Variants in KCP observed in about 807,000 individuals in gnomAD.
KCP encodes kielin cysteine rich BMP regulator.
A neutral mutation model predicts 212.7 loss-of-function variants in KCP; 194 were observed. The ratio of observed to expected loss-of-function variants is 0.91; its 90% CI spans 0.81 to 1.03. The LOEUF (loss-of-function observed/expected upper bound fraction) is 1.03. Ranked by LOEUF, KCP falls within the 50% of genes least tolerant of loss-of-function variation. The pLI, the probability that KCP is intolerant of heterozygous loss-of-function variation, is 0.00. For missense variants in KCP, 2,080 were observed against 2,162.5 expected, an observed-to-expected ratio of 0.96 and a Z score of 0.76; for synonymous variants, 833 against 865.3, an observed-to-expected ratio of 0.96 and a Z score of 0.65.
At position 128,891,744 on chromosome 7, in the gene KCP, C is replaced by G; in HGVS notation, c.1697G>C (p.Arg566Pro). 6.9e-7 allele frequency: 1 copy of G among 1,447,000 alleles called. No homozygotes were observed. The highest frequency in any genetic ancestry group is 1.5e-5 in the South Asian group (1 of 67,776). The allele number at this position is 1,447,000 out of a possible 1,614,324, so 89.6% of individuals were successfully genotyped here. Residue 566 changes from arginine to proline, a missense_variant, in exon 17 of 40, where the codon CGA (arginine) becomes CCA (proline). Physicochemically the swap from Arg to Pro is moderately radical, Grantham distance 103. Transcript: ENST00000610776. ...GCAGTGGGCATGGCCTTCCTGGCAT[C>G]GGCACTCCTGGCAGGGGTCTCGGGG... is the stretch of plus-strand genomic sequence containing the variant. ...SHPRDPCQECRCQEGHAHCQP... is the reference protein window; with the variant it reads ...SHPRDPCQECPCQEGHAHCQP...
chr7:128,885,165 C>T lies in KCP; in HGVS notation c.2972G>A (p.Arg991His), dbSNP rs373067251. ...VCHEGVVTCA[R>H]IQCISSCAQP... ...GGCGCAAGAGCTGATGCACTGGATG[C>T]GTGCACAGGTGACGACGCCCTCGTG... Residue 991 changes from arginine (R) to histidine (H), a missense_variant, in exon 27 of 40, where the codon CGC becomes CAC. Arg to His is a conservative substitution (Grantham distance 29). Coordinates refer to ENST00000610776, the MANE Select transcript of KCP (RefSeq NM_001366122.1). 3.4e-5 allele frequency: 53 copies of T among 1,550,720 alleles called. No individual in the cohort carries two copies. The highest frequency in any genetic ancestry group is 4.2e-5 in the Non-Finnish European group (48 of 1,147,016).
intron 22 of KCP, among the ~76,000 whole-genome samples, chr7:128,887,915 C>CCA (rs1173848056): frequency 2.2e-5 from 3 of 138,316 alleles, no homozygotes; most frequent in South Asian, 2.4e-4. Flanking sequence ...ACATACACAC[C>CCA]CACACACACA....
In KCP at chr7:128,880,003, G is replaced by C. The variant is rs533165184; in HGVS notation, c.3842C>G (p.Pro1281Arg). The change falls in exon 35 of 40, where the codon CCC (proline) becomes CGC (arginine). Residue 1281 changes from proline (P) to arginine (R), a missense_variant. Physicochemically the swap from Pro to Arg is moderately radical, Grantham distance 103. Coordinates refer to ENST00000610776, the MANE Select transcript of KCP (RefSeq NM_001366122.1). The part of the protein sequence containing the change: ...RPASCMAFGD[P>R]HYRTFDGRLL... ...GCGGCCGTCGAAGGTGCGGTAATGG[G>C]GGTCTCCGAAGGCCATGCAGGAAGC... is the stretch of plus-strand genomic sequence containing the variant. 2.6e-6 allele frequency: 4 copies of C among 1,550,366 alleles called. No individual in the cohort carries two copies. The African/African-American group carries it at 5.5e-5, about 21-fold the overall frequency.
chr7:128,881,466 A>T (rs575820115), intron 31 of KCP, among the ~76,000 whole-genome samples, 160 bp downstream of exon 31: 25 of 152,128 alleles, frequency 1.6e-4, no homozygotes, highest in Non-Finnish European at 3.2e-4. Flanking sequence ...CTCCACCTCA[A>T]GAACAGCCCC....
At position 128,902,747 on chromosome 7, in the gene KCP, G is replaced by A. The variant is rs544052655; in HGVS notation, c.831+30C>T. On this transcript the variant is annotated intron_variant, in intron 8 of 39. Transcript: ENST00000610776. ...ACAGTGGGCCTGAGGGCAGGGAGGG[G>A]GACAGACCAGGAGCAGCCTCAGGAC... 434 of 1,540,750 alleles carry A rather than the reference G, an allele frequency of 2.8e-4. 2 individuals are homozygous for A. In the African/African-American group the frequency reaches 5.2e-3, roughly 18 times the overall value.
At chr7:128,909,397 G>C (rs1054490431) in intron 1 of KCP, among the ~76,000 whole-genome samples, 8 of 152,168 alleles carry the variant, frequency 5.3e-5, no homozygotes, top group Non-Finnish European at 1.0e-4. Flanking sequence ...ACAGACACTA[G>C]GCCTGTGAGA....
Position 128,877,266 on chromosome 7 carries a change from C to G in KCP, c.4664G>C (p.Gly1555Ala). The change falls in exon 40 of 40, where the codon GGC becomes GCC. Residue 1555 changes from glycine (G) to alanine (A), a missense_variant. Physicochemically the swap from Gly to Ala is moderately conservative, Grantham distance 60 (BLOSUM62 0). Transcript: ENST00000610776. Reference sequence around the variant, plus strand: ...GAAGCAGGTGCGGGGACAGGGTGGGCCGCACTCATCAAACACGAAGCCACG... The same window carrying G: ...GAAGCAGGTGCGGGGACAGGGTGGGGCGCACTCATCAAACACGAAGCCACG... ...LERGFVFDEC[G>A]PPCPRTCFNQ... The G allele has an allele frequency of 6.7e-7, 1 of 1,501,272 alleles. No homozygotes were observed. The highest frequency in any genetic ancestry group is 8.9e-7 in the Non-Finnish European group (1 of 1,127,410). 93.0% of individuals were successfully genotyped at this position (1,501,272 alleles called of 1,614,324 possible).
At chr7:128,895,289 G>A (rs971370728) in intron 8 of KCP, among the ~76,000 whole-genome samples, 2 of 152,188 alleles carry the variant, frequency 1.3e-5, no homozygotes, top group Non-Finnish European at 2.9e-5. Flanking sequence ...AAATAGTCCT[G>A]TTCTCATAGG....
rs1441213612 is a variant in KCP, at chr7:128,879,782, G to A, written c.3980C>T (p.Thr1327Ile). The change falls in exon 36 of 40, where the codon ACC (threonine) becomes ATC (isoleucine). Residue 1327 changes from threonine (T) to isoleucine (I), a missense_variant. Coordinates refer to ENST00000610776, the MANE Select transcript of KCP (RefSeq NM_001366122.1). ...TCCCAGCAGCACCGCCACCTCCTGG[G>A]TCCAGGCCACACCGCTCCGGCCCCG... The part of the protein sequence containing the change: ...DDRGRSGVAW[T>I]QEVAVLLGDM... The A allele has an allele frequency of 6.4e-7, 1 of 1,550,690 alleles. No individual in the cohort carries two copies. Among genetic ancestry groups the A allele is most frequent in the Admixed American group, 2.0e-5 (1 of 50,982 alleles).
At chr7:128,887,896 CACACAT>C (rs1201390404) in intron 22 of KCP, among the ~76,000 whole-genome samples, 13 of 150,452 alleles carry the variant, frequency 8.6e-5, no homozygotes, top group African/African-American at 2.2e-4. Flanking sequence ...TAGCCACGCA[CACACAT>C]ACACATACAC....
At chr7:128,908,251 G>GAAGAAAGAAAGA (rs370653893) in intron 2 of KCP, among the ~76,000 whole-genome samples, 175 bp downstream of exon 2, 11,973 of 100,968 alleles carry the variant, frequency 0.12, 1,051 homozygotes, top group South Asian at 0.14. Flanking sequence ...AAGAAAGAAA[G>GAAGAAAGAAAGA]AAGAAAGAAA....
chr7:128,908,251 G>GAAAAAGAAAGAAAGAAAGAAAGA (rs10565205), intron 2 of KCP, among the ~76,000 whole-genome samples, 175 bp downstream of exon 2: 9 of 101,276 alleles, frequency 8.9e-5, no homozygotes, highest in African/African-American at 3.5e-4. Context: ...AAGAAAGAAA[G>GAAAAAGAAAGAAAGAAAGAAAGA]AAGAAAGAAA....
intron 16 of KCP, among the ~76,000 whole-genome samples, chr7:128,892,294 T>C (rs1018248533): frequency 1.3e-5 from 2 of 151,978 alleles, no homozygotes; most frequent in Non-Finnish European, 2.9e-5. Context: ...AAATGGAGCA[T>C]GGGAGGAGAG....
Position 128,889,553 on chromosome 7 carries a change from C to T in KCP, c.2336-514G>A, listed in dbSNP as rs1793955625. On this transcript the variant is annotated intron_variant, in intron 21 of 39. Coordinates refer to ENST00000610776, the MANE Select transcript of KCP (RefSeq NM_001366122.1). ...AGAAGGGTGAATTTCAGGCTCAAAG[C>T]CTTGGTGGGCAAAAGTATCTGACAA... is the stretch of plus-strand genomic sequence containing the variant. 2.0e-5 allele frequency among the ~76,000 whole-genome samples: 3 copies of T among 152,324 alleles called. No homozygotes were observed. In the East Asian group the frequency reaches 5.8e-4, roughly 29 times the overall value.
chr7:128,888,475 C>T (rs924865017), intron 22 of KCP, among the ~76,000 whole-genome samples: 7 of 151,184 alleles, frequency 4.6e-5, no homozygotes, highest in Non-Finnish European at 1.0e-4. Flanking sequence ...AACACACACA[C>T]ACAGATACAC....
At chr7:128,888,003 A>G (rs1006136263) in intron 22 of KCP, among the ~76,000 whole-genome samples, 9 of 148,124 alleles carry the variant, frequency 6.1e-5, no homozygotes, top group Admixed American at 4.0e-4. Flanking sequence ...ACCCCCCCAC[A>G]TACACACCCA....
At position 128,890,984 on chromosome 7, in the gene KCP, G is replaced by T. The variant is rs1384525777; in HGVS notation, c.2085C>A (p.Ser695=). The T allele has an allele frequency of 1.3e-5, 17 of 1,311,736 alleles. No individual in the cohort carries two copies. The highest frequency in any genetic ancestry group is 1.6e-5 in the Non-Finnish European group (17 of 1,036,158). The allele number at this position is 1,311,736 out of a possible 1,614,324, so 81.3% of individuals were successfully genotyped here. ...PCRRCLCLDG[S]VSCQRLPCPP... is the part of the protein sequence containing the mutation. ...GGCAGGGCAGCCGCTGGCAGGACAC[G>T]GAGCCGTCGAGGCAGAGGCAGCGGC... The change falls in exon 20 of 40, where the codon TCC becomes TCA. Residue 695 remains serine, a synonymous_variant. Coordinates refer to ENST00000610776, the MANE Select transcript of KCP (RefSeq NM_001366122.1).
chr7:128,904,440 C>T, intron 5 of KCP: 2 of 1,241,048 alleles, frequency 1.6e-6, no homozygotes, highest in Non-Finnish European at 2.3e-6. Flanking sequence ...CTTTCTCTCT[C>T]TCCTGCTCTC....
At chr7:128,904,490 G>T in intron 5 of KCP, 1 of 857,072 alleles carries the variant, frequency 1.2e-6, no homozygotes, top group South Asian at 1.6e-5. Flanking sequence ...TCCTTTGCCA[G>T]AGCTGGCTTA....
Sources: gnomAD v4.1 joint callset for allele counts (sites outside exome capture counted in the v4.1 genomes callset) on GRCh38, gnomAD v4.1.1 for gene constraint, MANE v1.5 for transcripts, NCBI Gene and HGNC (gene_info 2026-07-23, HGNC 2026-07-21) for gene names.